CCDC57: variants seen among roughly 807,000 people sequenced by gnomAD.
CCDC57 encodes the protein coiled-coil domain-containing protein 57.
In CCDC57, 118 loss-of-function variants were observed where a neutral mutation model predicts 118.9. The ratio of observed to expected loss-of-function variants is 0.99; its 90% CI spans 0.86 to 1.16. The LOEUF is 1.16. Ranked by LOEUF, CCDC57 falls within the 50% of genes most tolerant of loss-of-function variation. The pLI, the probability that CCDC57 is intolerant of heterozygous loss-of-function variation, is 0.00. For synonymous variants in CCDC57, 527 were observed against 532.9 expected (o/e 0.99, Z 0.15); for missense variants, 1,300 against 1,320.7 (o/e 0.98, Z 0.24).
chr17:82,189,860 A>C (rs776563242), intron 7 of CCDC57, among the ~76,000 whole-genome samples: 5 of 152,130 alleles, frequency 3.3e-5, no homozygotes, highest in Non-Finnish European at 5.9e-5. Flanking sequence ...AAATACAAAA[A>C]TTAGCCGGGC....
At chr17:82,133,559 A>G (rs921101221) in intron 17 of CCDC57, among the ~76,000 whole-genome samples, 35 of 138,594 alleles carry the variant, frequency 2.5e-4, no homozygotes, top group African/African-American at 8.5e-4. Flanking sequence ...ATTTGTAATG[A>G]AAAAATAAAA....
chr17:82,158,545 G>A (rs1236844882), intron 14 of CCDC57, among the ~76,000 whole-genome samples: 2 of 151,846 alleles, frequency 1.3e-5, no homozygotes, highest in Non-Finnish European at 2.9e-5. Context: ...AAAATTAGCC[G>A]GGCATGGCGG....
intron 19 of CCDC57, among the ~76,000 whole-genome samples, chr17:82,123,526 A>G (rs2037020429): frequency 1.3e-5 from 2 of 152,170 alleles, no homozygotes; most frequent in Admixed American, 6.5e-5. Context: ...GAAAAGATCA[A>G]GAAGGCAAAA....
chr17:82,117,612 G>C (rs536869062), intron 19 of CCDC57, among the ~76,000 whole-genome samples: 54 of 152,074 alleles, frequency 3.6e-4, no homozygotes, highest in African/African-American at 1.3e-3. Flanking sequence ...CCATGGCTGC[G>C]GCACTACACT....
At chr17:82,161,335 C>G (rs1338573851) in intron 14 of CCDC57, among the ~76,000 whole-genome samples, 1 of 152,100 alleles carries the variant, frequency 6.6e-6, no homozygotes, top group Non-Finnish European at 1.5e-5. Flanking sequence ...CTGGGGAAAA[C>G]AGCACGGTGG....
chr17:82,144,544 C>T (rs149278489), intron 16 of CCDC57, among the ~76,000 whole-genome samples: 8 of 151,708 alleles, frequency 5.3e-5, no homozygotes, highest in Non-Finnish European at 1.0e-4. Flanking sequence ...GCCTTGTGTC[C>T]GATCAACTGC....
intron 19 of CCDC57, among the ~76,000 whole-genome samples, chr17:82,102,174 G>C (rs1004054154): frequency 4.6e-5 from 7 of 152,180 alleles, no homozygotes; most frequent in Admixed American, 1.3e-4. Flanking sequence ...GGTCCCAGGA[G>C]GGGGCAGGGG....
intron 19 of CCDC57, chr17:82,106,503 C>T (rs2034856543): frequency 6.6e-6 from 1 of 152,400 alleles, no homozygotes. Flanking sequence ...GGCCTGAGAG[C>T]TGGACAGCCT....
At chr17:82,160,739 T>TGG (rs2043212891) in intron 14 of CCDC57, among the ~76,000 whole-genome samples, 1 of 151,906 alleles carries the variant, frequency 6.6e-6, no homozygotes, top group African/African-American at 2.4e-5. Context: ...GCAGGCGTGG[T>TGG]GGCTCATGCC....
intron 7 of CCDC57, among the ~76,000 whole-genome samples, chr17:82,189,320 T>C (rs1599323213): frequency 7.8e-6 from 1 of 128,252 alleles, no homozygotes. Context: ...TTTAAAAAGA[T>C]TTACGTGTTG....
intron 14 of CCDC57, among the ~76,000 whole-genome samples, chr17:82,161,827 T>C (rs540461396): frequency 4.6e-5 from 7 of 152,260 alleles, no homozygotes; most frequent in African/African-American, 1.2e-4. Context: ...AGAATGTTTA[T>C]GCGACATTGT....
intron 16 of CCDC57, among the ~76,000 whole-genome samples, chr17:82,134,800 A>T (rs1265451729): frequency 6.7e-5 from 3 of 44,762 alleles, no homozygotes; most frequent in Non-Finnish European, 8.6e-5. Flanking sequence ...CAAGCAAACA[A>T]ACAAACAAAA....
At chr17:82,144,103 A>C (rs1334519698) in intron 16 of CCDC57, among the ~76,000 whole-genome samples, 10 of 152,066 alleles carry the variant, frequency 6.6e-5, no homozygotes, top group Admixed American at 6.6e-4. Context: ...AAAGGCACTG[A>C]GATCAGACTG....
intron 19 of CCDC57, among the ~76,000 whole-genome samples, chr17:82,115,405 C>T (rs1327416928): frequency 6.6e-6 from 1 of 152,154 alleles, no homozygotes; most frequent in Non-Finnish European, 1.5e-5. Flanking sequence ...CCCAGAAATG[C>T]TCTAATTCTA....
intron 3 of CCDC57, among the ~76,000 whole-genome samples, chr17:82,198,992 CAAAA>C (rs34649384): frequency 6.9e-5 from 6 of 87,570 alleles, no homozygotes; most frequent in African/African-American, 1.7e-4. Flanking sequence ...GACTCCATCT[CAAAA>C]AAAAAAAAAA....
intron 19 of CCDC57, among the ~76,000 whole-genome samples, chr17:82,124,210 G>C (rs1350841389): frequency 6.6e-6 from 1 of 152,146 alleles, no homozygotes; most frequent in African/African-American, 2.4e-5. Flanking sequence ...CTAATTCCTT[G>C]TTTCAGGAGT....
intron 16 of CCDC57, among the ~76,000 whole-genome samples, chr17:82,150,746 GAC>G (rs2041853512): frequency 1.2e-5 from 1 of 85,836 alleles, no homozygotes; most frequent in Non-Finnish European, 2.2e-5. Flanking sequence ...CCCAGAACCT[GAC>G]CCGCACCCAG....
chr17:82,151,912 A>G, intron 15 of CCDC57, 139 bp from the exon 15 acceptor site: 2 of 672,788 alleles, frequency 3.0e-6, no homozygotes, highest in Non-Finnish European at 5.0e-6. Flanking sequence ...ATCCTTCCAA[A>G]AGAAAGACAA....
rs1292887938 is a variant in CCDC57 at position 82,126,114 on chromosome 17, C to A, written c.2899+1578G>T. ...AGCCCAGCATTGTGAAACCCCGTCT[C>A]TACTAAAAATACAAAATTAGCCTGG... On this transcript the variant is annotated intron_variant, in intron 19 of 19. Coordinates refer to ENST00000665763, the Ensembl canonical transcript of CCDC57. 3.3e-5 allele frequency among the ~76,000 whole-genome samples: 5 copies of A among 152,052 alleles called. No individual in the cohort carries two copies. The East Asian group carries it at 5.8e-4, about 18-fold the overall frequency.
Sources: allele counts gnomAD v4.1 joint callset (sites outside exome capture counted in the v4.1 genomes callset), GRCh38; gene constraint gnomAD v4.1.1; transcripts MANE v1.5; gene names NCBI Gene and HGNC (gene_info 2026-07-23, HGNC 2026-07-21).